MALRD1: variants seen among roughly 807,000 people sequenced by gnomAD.
MALRD1 encodes MAM and LDL receptor class A domain containing 1.
Under a neutral mutation model 242.1 loss-of-function variants are expected in MALRD1, and 247 were observed. The ratio of observed to expected loss-of-function variants is 1.02; its 90% CI spans 0.92 to 1.13. The LOEUF is 1.13. MALRD1 is among the 50% of genes most tolerant of loss of function. MALRD1 has a pLI of 0.00. For synonymous variants in MALRD1, 995 were observed against 866.6 expected (o/e 1.15, Z -2.60); for missense variants, 2,989 against 2,533.1 (o/e 1.18, Z -3.86).
chr10:19,622,255 A>G (rs143903797), intron 36 of MALRD1, among the ~76,000 whole-genome samples: 10 of 151,916 alleles, frequency 6.6e-5, no homozygotes, highest in South Asian at 2.1e-4. Flanking sequence ...AGTTAATTCA[A>G]ACAATAAAAA....
chr10:19,378,596 T>C (rs1845703923), intron 26 of MALRD1, among the ~76,000 whole-genome samples: 1 of 152,162 alleles, frequency 6.6e-6, no homozygotes, highest in Non-Finnish European at 1.5e-5. Flanking sequence ...GATTTAAAAA[T>C]ATCTTGTGAT....
At chr10:19,623,321 G>A (rs11010729) in intron 36 of MALRD1, among the ~76,000 whole-genome samples, 9,193 of 152,054 alleles carry the variant, frequency 0.06, 830 homozygotes, top group African/African-American at 0.2. Context: ...AAGCCCGAAT[G>A]TCACAGAGAA....
At position 19,690,752 on chromosome 10, in the gene MALRD1, A is replaced by G. The variant is rs188782669; in HGVS notation, c.6138-1530A>G. On this transcript the variant is annotated intron_variant, in intron 36 of 39. Coordinates refer to ENST00000454679, the MANE Select transcript of MALRD1 (RefSeq NM_001142308.3). ...TATAAATATAAATATATATACATTTAGATAAATAGGCAGTGTAGATAATAG... is the reference window on the plus strand; with the variant it reads ...TATAAATATAAATATATATACATTTGGATAAATAGGCAGTGTAGATAATAG... 2.6e-5 allele frequency among the ~76,000 whole-genome samples: 4 copies of G among 152,016 alleles called. No individual in the cohort carries two copies. The East Asian group carries it at 7.7e-4, about 29-fold the overall frequency.
intron 28 of MALRD1, among the ~76,000 whole-genome samples, chr10:19,448,959 TCTCTTTTC>T (rs1182646581): frequency 6.6e-6 from 1 of 152,152 alleles, no homozygotes; most frequent in African/African-American, 2.4e-5. Flanking sequence ...TTTCTCCTTT[TCTCTTTTC>T]CTCTGTCAGT....
At chr10:19,096,484 C>A (rs146240960) in intron 4 of MALRD1, among the ~76,000 whole-genome samples, 1 of 152,172 alleles carries the variant, frequency 6.6e-6, no homozygotes, top group Non-Finnish European at 1.5e-5. Flanking sequence ...ACGACTCTCT[C>A]GGGATCCTTC....
intron 28 of MALRD1, among the ~76,000 whole-genome samples, chr10:19,399,639 C>A (rs1463568366): frequency 6.6e-6 from 1 of 151,936 alleles, no homozygotes; most frequent in Non-Finnish European, 1.5e-5. Flanking sequence ...ATAAAATAAG[C>A]AATTAAAATG....
intron 26 of MALRD1, among the ~76,000 whole-genome samples, chr10:19,361,135 C>A (rs1223185941): frequency 6.6e-6 from 1 of 152,046 alleles, no homozygotes; most frequent in Non-Finnish European, 1.5e-5. Flanking sequence ...CATAGCCAAA[C>A]AGAGTAACGA....
At chr10:19,521,276 A>G (rs543601937) in intron 31 of MALRD1, among the ~76,000 whole-genome samples, 3 of 152,222 alleles carry the variant, frequency 2.0e-5, no homozygotes, top group South Asian at 4.1e-4. Flanking sequence ...AACCATTTCT[A>G]TCTTTCCATA....
At chr10:19,587,673 G>A (rs1467839080) in intron 33 of MALRD1, among the ~76,000 whole-genome samples, 2 of 152,162 alleles carry the variant, frequency 1.3e-5, no homozygotes, top group Non-Finnish European at 2.9e-5. Context: ...CTTGTGGGAG[G>A]GCAAAGAAAC....
At chr10:19,273,667 T>A (rs1419460603) in intron 19 of MALRD1, among the ~76,000 whole-genome samples, 1 of 152,226 alleles carries the variant, frequency 6.6e-6, no homozygotes, top group Non-Finnish European at 1.5e-5. Flanking sequence ...TATGACGTTC[T>A]GGAAAAAAGC....
chr10:19,113,269 A>G (rs1018149963), intron 5 of MALRD1, among the ~76,000 whole-genome samples: 2 of 152,052 alleles, frequency 1.3e-5, no homozygotes, highest in African/African-American at 4.8e-5. Flanking sequence ...GCTCCTCACG[A>G]TACTGCTCTT....
At chr10:19,706,993 CCTT>C (rs1393663505) in intron 38 of MALRD1, among the ~76,000 whole-genome samples, 5 of 151,800 alleles carry the variant, frequency 3.3e-5, no homozygotes, top group Non-Finnish European at 5.9e-5. Context: ...TCCTCCTCAT[CCTT>C]CTCCTCCTCC....
chr10:19,684,295 A>G (rs1432483130), intron 36 of MALRD1, among the ~76,000 whole-genome samples: 2 of 152,200 alleles, frequency 1.3e-5, no homozygotes, highest in African/African-American at 2.4e-5. Context: ...TAACATTATC[A>G]TATTATTAAA....
intron 29 of MALRD1, among the ~76,000 whole-genome samples, chr10:19,452,464 T>A (rs952892126): frequency 6.6e-6 from 1 of 152,202 alleles, no homozygotes; most frequent in Admixed American, 6.5e-5. Context: ...TAAAGAGGCA[T>A]CATGTTGTCA....
rs145802736 is a variant in MALRD1, at chr10:19,373,267, G to A, written c.4442-14261G>A. ...TCATGCGTGTAATCCCAGCACTTTG[G>A]GAGGGCGGACGGATCACGAGGTCAG... On this transcript the variant is annotated intron_variant, in intron 26 of 39. Coordinates refer to ENST00000454679, the MANE Select transcript of MALRD1 (RefSeq NM_001142308.3). Among the ~76,000 whole-genome samples the A allele has an allele frequency of 6.2e-3, 331 of 53,016 alleles. 13 individuals carry two copies. The East Asian group carries it at 0.078, about 12-fold the overall frequency. 34.8% of individuals were successfully genotyped at this position (53,016 alleles called of 152,430 possible).
intron 2 of MALRD1, among the ~76,000 whole-genome samples, chr10:19,079,057 T>C (rs958401417): frequency 2.0e-5 from 3 of 151,574 alleles, no homozygotes; most frequent in East Asian, 3.9e-4. Context: ...TTTAGTTTTC[T>C]CTTCCTTTAG....
intron 2 of MALRD1, among the ~76,000 whole-genome samples, chr10:19,076,598 T>A (rs890616988): frequency 6.6e-6 from 1 of 152,118 alleles, no homozygotes; most frequent in Admixed American, 6.6e-5. Flanking sequence ...CATAGATGCG[T>A]TGGTTTACTT....
At chr10:19,204,514 G>T in intron 16 of MALRD1, 101 bp downstream of exon 16, 1 of 761,150 alleles carries the variant, frequency 1.3e-6, no homozygotes, top group African/African-American at 1.8e-5. Flanking sequence ...GTGGTTTACT[G>T]CTGGTTTTAC....
In MALRD1 at chr10:19,671,059, A is replaced by G. The variant is rs185257369; in HGVS notation, c.6138-21223A>G. On this transcript the variant is annotated intron_variant, in intron 36 of 39. Coordinates refer to ENST00000454679, the MANE Select transcript of MALRD1 (RefSeq NM_001142308.3). ...ACGCCTGGCTAATTTTTTTATTTTT[A>G]TTTTTATTTTTAGTAGAGACAGGGT... is the stretch of plus-strand genomic sequence containing the variant. Among the ~76,000 whole-genome samples the G allele has an allele frequency of 2.0e-4, 30 of 151,674 alleles. 2 individuals are homozygous for G. In the East Asian group the frequency reaches 5.7e-3, roughly 29 times the overall value.
Sources: allele counts gnomAD v4.1 joint callset (sites outside exome capture counted in the v4.1 genomes callset), GRCh38; gene constraint gnomAD v4.1.1; transcripts MANE v1.5; gene names NCBI Gene and HGNC (gene_info 2026-07-23, HGNC 2026-07-21).